ZNF438: variants seen among roughly 807,000 people sequenced by gnomAD.
ZNF438 encodes zinc finger protein 438.
In ZNF438, 25 loss-of-function variants were observed where a neutral mutation model predicts 38.0. The ratio of observed to expected loss-of-function variants is 0.66; its 90% CI spans 0.48 to 0.92. The LOEUF is 0.92. Ranked by LOEUF, ZNF438 falls within the 40% of genes least tolerant of loss-of-function variation. The pLI is 0.00. For missense variants in ZNF438, 1,007 were observed against 999.6 expected (o/e 1.01, Z -0.10); for synonymous variants, 372 against 364.1 (o/e 1.02, Z -0.25).
chr10:30,858,301 A>G (rs747576685), intron 4 of ZNF438, among the ~76,000 whole-genome samples: 3 of 152,240 alleles, frequency 2.0e-5, no homozygotes, highest in Non-Finnish European at 4.4e-5. Context: ...TGGCTTTCAA[A>G]TAATAAATTC....
chr10:30,998,627 C>T (rs911381125), intron 1 of ZNF438, among the ~76,000 whole-genome samples: 1 of 135,588 alleles, frequency 7.4e-6, no homozygotes, highest in East Asian at 2.3e-4. Context: ...GTAATGAAGA[C>T]GATTATGATC....
At chr10:30,850,237 T>C (rs764696653) in exon 5 of ZNF438, 7 of 1,614,084 alleles carry the variant, frequency 4.3e-6, no homozygotes, top group Admixed American at 3.3e-5. Context: ...CAGAGCGTGA[T>C]GGTGAATGAC....
chr10:31,024,385 G>A (rs999892265), intron 1 of ZNF438, among the ~76,000 whole-genome samples: 1 of 152,174 alleles, frequency 6.6e-6, no homozygotes, highest in Non-Finnish European at 1.5e-5. Context: ...CTAGCACTTC[G>A]GGAGGTGAAG....
At chr10:31,011,653 C>T (rs1013428465) in intron 1 of ZNF438, among the ~76,000 whole-genome samples, 3 of 152,156 alleles carry the variant, frequency 2.0e-5, no homozygotes, top group South Asian at 2.1e-4. Flanking sequence ...GGAATAGCAA[C>T]GAGATTCTCA....
At chr10:30,848,472 C>G in intron 5 of ZNF438, 59 bp downstream of exon 6, 1 of 1,533,856 alleles carries the variant, frequency 6.5e-7, no homozygotes, top group Non-Finnish European at 8.8e-7. Flanking sequence ...TGAAATCTTC[C>G]CCTCTTCCCC....
chr10:30,867,540 G>A (rs1455869891), intron 4 of ZNF438, among the ~76,000 whole-genome samples: 1 of 152,146 alleles, frequency 6.6e-6, no homozygotes, highest in Non-Finnish European at 1.5e-5. Flanking sequence ...GCTCTTTAGA[G>A]TCCTCAATAA....
chr10:30,948,969 T>A (rs947220941), intron 1 of ZNF438, among the ~76,000 whole-genome samples: 3 of 151,944 alleles, frequency 2.0e-5, no homozygotes, highest in African/African-American at 7.3e-5. Context: ...AGAGTTGAAA[T>A]GAAGGAAAAA....
intron 4 of ZNF438, among the ~76,000 whole-genome samples, chr10:30,866,790 C>T (rs1169448752): frequency 2.0e-5 from 3 of 151,564 alleles, no homozygotes; most frequent in African/African-American, 2.4e-5. Context: ...GCCGAGATCG[C>T]GCCACTGCAC....
chr10:30,869,661 C>T (rs752442625), intron 4 of ZNF438, among the ~76,000 whole-genome samples: 6 of 152,116 alleles, frequency 3.9e-5, no homozygotes, highest in Admixed American at 1.3e-4. Flanking sequence ...GTTATTACAT[C>T]AGAAAGTTCC....
chr10:30,862,383 G>T (rs2035736360), intron 4 of ZNF438, among the ~76,000 whole-genome samples: 1 of 152,080 alleles, frequency 6.6e-6, no homozygotes, highest in South Asian at 2.1e-4. Context: ...CTCACCCGCA[G>T]CCTCAAACTC....
chr10:30,905,070 G>A (rs772459519), intron 3 of ZNF438, among the ~76,000 whole-genome samples: 4 of 152,234 alleles, frequency 2.6e-5, no homozygotes, highest in Non-Finnish European at 5.9e-5. Flanking sequence ...AGCTATTTGT[G>A]ATATACTTCA....
rs1383944136 is a variant in ZNF438, at chr10:30,845,438, A to G, written c.2010T>C (p.His670=). 7 of 1,613,954 alleles carry G rather than the reference A, an allele frequency of 4.3e-6. No individual in the cohort carries two copies. The Admixed American group carries it at 1.0e-4, about 23-fold the overall frequency. The change falls in exon 6 of 6, where the codon CAT becomes CAC. Residue 670 remains histidine, a synonymous_variant. Coordinates refer to ENST00000413025, the Ensembl canonical transcript of ZNF438. The stretch of plus-strand genomic sequence containing the variant: ...GTAGCCTGCCCTCAATTTCCTCTCC[A>G]TGAACATCAAGTAAATGAAATTTTA...
intron 2 of ZNF438, among the ~76,000 whole-genome samples, chr10:30,924,782 TG>T (rs2044719801): frequency 6.6e-6 from 1 of 152,164 alleles, no homozygotes; most frequent in African/African-American, 2.4e-5. Flanking sequence ...TTAAGAGATA[TG>T]GCTATTGAAT....
In ZNF438 at chr10:30,845,638, C is replaced by T. The variant is rs770995374; in HGVS notation, c.1875-65G>A. ...AAAATGCAATTGGAATCTTTCCTCT[C>T]AGCTGTCAGCCTTCAGGGATCTAAA... On this transcript the variant is annotated intron_variant, in intron 5 of 5. Transcript: ENST00000413025. 5.2e-6 allele frequency: 8 copies of T among 1,537,024 alleles called. No homozygotes were observed. In the Admixed American group the frequency reaches 9.7e-5, roughly 19 times the overall value.
At chr10:31,005,761 T>TA (rs998368344) in intron 1 of ZNF438, among the ~76,000 whole-genome samples, 1 of 152,104 alleles carries the variant, frequency 6.6e-6, no homozygotes. Flanking sequence ...ATATATACAA[T>TA]AAAAAAATAG....
chr10:30,932,097 A>G (rs1383189560), intron 2 of ZNF438, among the ~76,000 whole-genome samples: 2 of 152,202 alleles, frequency 1.3e-5, no homozygotes, highest in Non-Finnish European at 2.9e-5. Context: ...CCAACAGGCA[A>G]TATCTAAGCT....
chr10:30,848,589 C>T (rs1300187160), exon 5 of ZNF438: 1 of 1,613,892 alleles, frequency 6.2e-7, no homozygotes, highest in Non-Finnish European at 8.5e-7. Flanking sequence ...GGTATGTCTC[C>T]TGGCTGCAGT....
intron 1 of ZNF438, among the ~76,000 whole-genome samples, chr10:30,996,528 G>A (rs888765325): frequency 6.6e-6 from 1 of 151,970 alleles, no homozygotes; most frequent in African/African-American, 2.4e-5. Flanking sequence ...CCATCAGGAA[G>A]GTATAACAAT....
chr10:30,896,765 G>A (rs935026778), intron 3 of ZNF438, among the ~76,000 whole-genome samples: 12 of 152,086 alleles, frequency 7.9e-5, no homozygotes, highest in South Asian at 2.1e-4. Context: ...TTGGCTGCAC[G>A]ACAATGTGAA....
Sources: gnomAD v4.1 joint callset for allele counts (sites outside exome capture counted in the v4.1 genomes callset) on GRCh38, gnomAD v4.1.1 for gene constraint, MANE v1.5 for transcripts, NCBI Gene and HGNC (gene_info 2026-07-23, HGNC 2026-07-21) for gene names.